Variants in STPG2 observed in about 807,000 individuals in gnomAD.
The protein encoded by STPG2 is sperm-tail PG-rich repeat-containing protein 2.
Under a neutral mutation model 54.2 loss-of-function variants are expected in STPG2, and 56 were observed. The ratio of observed to expected loss-of-function variants is 1.03; its 90% CI spans 0.83 to 1.29. The LOEUF is 1.29. STPG2 is among the 50% of genes most tolerant of loss of function. STPG2 has a pLI of 0.00. For synonymous variants in STPG2, 200 were observed against 181.8 expected, an observed-to-expected ratio of 1.10 and a Z score of -0.81; for missense variants, 596 against 544.9, an observed-to-expected ratio of 1.09 and a Z score of -0.93.
intron 3 of STPG2, among the ~76,000 whole-genome samples, chr4:98,127,558 C>T (rs1184422111): frequency 6.6e-6 from 1 of 152,168 alleles, no homozygotes; most frequent in Non-Finnish European, 1.5e-5. Flanking sequence ...TAAATATATG[C>T]TTAGTTTTAG....
chr4:97,901,030 T>A (rs1210094128), intron 8 of STPG2, among the ~76,000 whole-genome samples: 2 of 151,958 alleles, frequency 1.3e-5, no homozygotes, highest in Non-Finnish European at 2.9e-5. Context: ...CAAATCCACA[T>A]TGCAAGTTCA....
At chr4:97,758,890 T>A (rs17026973) in intron 9 of STPG2, among the ~76,000 whole-genome samples, 58,979 of 151,230 alleles carry the variant, frequency 0.39, 11,600 homozygotes, top group Middle Eastern at 0.46. Flanking sequence ...AAATTTTAGA[T>A]GGAAAAACAG....
At chr4:97,690,451 C>T (rs1723329467) in intron 10 of STPG2, among the ~76,000 whole-genome samples, 1 of 151,936 alleles carries the variant, frequency 6.6e-6, no homozygotes, top group Non-Finnish European at 1.5e-5. Flanking sequence ...AATATAGTAC[C>T]ACCAAGAGTA....
chr4:97,799,292 G>A (rs138202927), intron 9 of STPG2, among the ~76,000 whole-genome samples: 3,095 of 152,300 alleles, frequency 0.02, 98 homozygotes, highest in African/African-American at 0.071. Context: ...GGTCTTTACA[G>A]TTTGGCATGT....
intron 10 of STPG2, among the ~76,000 whole-genome samples, chr4:97,669,219 A>T (rs1722624155): frequency 6.6e-6 from 1 of 152,104 alleles, no homozygotes; most frequent in Non-Finnish European, 1.5e-5. Flanking sequence ...AGTCTGCAAA[A>T]ATATATATAC....
chr4:97,682,123 T>C (rs1441130674), intron 10 of STPG2, among the ~76,000 whole-genome samples: 1 of 151,758 alleles, frequency 6.6e-6, no homozygotes, highest in Non-Finnish European at 1.5e-5. Context: ...CAGAAAGTTA[T>C]ATGCTACCAA....
intron 4 of STPG2, among the ~76,000 whole-genome samples, chr4:97,480,737 C>T (rs1041154922): frequency 6.6e-6 from 1 of 151,414 alleles, no homozygotes; most frequent in Admixed American, 6.6e-5. Context: ...TGTGAAATGC[C>T]TATTCAAATA....
chr4:97,989,554 C>T (rs1255654755), intron 5 of STPG2, among the ~76,000 whole-genome samples: 1 of 152,098 alleles, frequency 6.6e-6, no homozygotes, highest in East Asian at 1.9e-4. Context: ...CACAATTTCA[C>T]AGATAGAAGA....
chr4:98,014,512 C>T (rs141457143), intron 5 of STPG2, among the ~76,000 whole-genome samples: 483 of 152,244 alleles, frequency 3.2e-3, no homozygotes, highest in African/African-American at 0.011. Flanking sequence ...GGGAGCCTCC[C>T]ATCACCGCTG....
At chr4:98,130,980 A>G (rs956580840) in intron 2 of STPG2, among the ~76,000 whole-genome samples, 1 of 147,576 alleles carries the variant, frequency 6.8e-6, no homozygotes, top group Non-Finnish European at 1.5e-5. Flanking sequence ...CCCTACCTCC[A>G]GTCTCTATTC....
chr4:97,951,729 C>A (rs959883616), intron 7 of STPG2, among the ~76,000 whole-genome samples: 3 of 152,152 alleles, frequency 2.0e-5, no homozygotes, highest in South Asian at 2.1e-4. Flanking sequence ...AAGCCTACTT[C>A]ATTCCCCCAT....
At chr4:97,872,020 T>C (rs976077609) in intron 8 of STPG2, among the ~76,000 whole-genome samples, 1 of 151,126 alleles carries the variant, frequency 6.6e-6, no homozygotes, top group Non-Finnish European at 1.5e-5. Flanking sequence ...ACCATGTTAA[T>C]ATCTCTAAAA....
rs535810946 is a variant in STPG2 at position 97,820,341 on chromosome 4, T to C, written c.1204+20432A>G. ...CATAACAGTGCTGAAATTAGTCTAA[T>C]TAATAACCCAACAATGACCTGTAAG... On this transcript the variant is annotated intron_variant, in intron 9 of 10. Coordinates refer to ENST00000295268, the MANE Select transcript of STPG2 (RefSeq NM_174952.3). Among the ~76,000 whole-genome samples, 9 of 152,250 alleles carry C rather than the reference T, an allele frequency of 5.9e-5. No homozygotes were observed. In the South Asian group the frequency reaches 1.0e-3, roughly 18 times the overall value.
At chr4:97,486,819 G>GTT (rs2148824690) in intron 4 of STPG2, among the ~76,000 whole-genome samples, 1 of 132,032 alleles carries the variant, frequency 7.6e-6, no homozygotes, top group South Asian at 2.6e-4. Flanking sequence ...GTGTGTGTGT[G>GTT]TGTGTGTGTG....
At chr4:97,502,568 A>G (rs1240421465) in intron 4 of STPG2, among the ~76,000 whole-genome samples, 1 of 152,052 alleles carries the variant, frequency 6.6e-6, no homozygotes, top group Non-Finnish European at 1.5e-5. Flanking sequence ...TTAAATCCAG[A>G]CAAACAAAAG....
At chr4:97,702,075 C>T (rs967445875) in intron 10 of STPG2, among the ~76,000 whole-genome samples, 28 of 152,170 alleles carry the variant, frequency 1.8e-4, no homozygotes, top group African/African-American at 5.8e-4. Context: ...ATGAGTAGGT[C>T]TAAAGACTAA....
intron 8 of STPG2, among the ~76,000 whole-genome samples, chr4:97,936,312 G>C (rs937589569): frequency 5.9e-5 from 9 of 152,120 alleles, no homozygotes; most frequent in Non-Finnish European, 1.0e-4. Context: ...GCACACTGAT[G>C]ATTTGGGACA....
intron 10 of STPG2, among the ~76,000 whole-genome samples, chr4:97,704,991 G>A (rs1022182352): frequency 2.3e-4 from 35 of 152,064 alleles, no homozygotes; most frequent in Admixed American, 6.5e-4. Flanking sequence ...ACTGGGTGTT[G>A]CTTGATTTGT....
chr4:97,548,237 C>G (rs1373546446), intron 4 of STPG2, among the ~76,000 whole-genome samples: 1 of 152,074 alleles, frequency 6.6e-6, no homozygotes, highest in Non-Finnish European at 1.5e-5. Flanking sequence ...TAGAAAAGAG[C>G]TCTCTGGGAG....
Sources: allele counts gnomAD v4.1 joint callset (sites outside exome capture counted in the v4.1 genomes callset), GRCh38; gene constraint gnomAD v4.1.1; transcripts MANE v1.5; gene names NCBI Gene and HGNC (gene_info 2026-07-23, HGNC 2026-07-21).